Variants in SEPTIN9 observed in about 807,000 individuals in gnomAD.
SEPTIN9 encodes septin 9.
A neutral mutation model predicts 56.6 loss-of-function variants in SEPTIN9; 13 were observed. The observed-to-expected ratio is 0.23, with a 90% CI of 0.15 to 0.37. The LOEUF (loss-of-function observed/expected upper bound fraction) is 0.37. Ranked by LOEUF, SEPTIN9 falls within the 10% of genes least tolerant of loss-of-function variation. The pLI is 1.00. For synonymous variants in SEPTIN9, 332 were observed against 334.1 expected (o/e 0.99, Z 0.07); for missense variants, 650 against 823.1 (o/e 0.79, Z 2.57).
At chr17:77,416,131 A>C (rs928005474) in intron 3 of SEPTIN9, among the ~76,000 whole-genome samples, 2 of 152,124 alleles carry the variant, frequency 1.3e-5, no homozygotes, top group African/African-American at 4.8e-5. Context: ...ATTTGTTTAA[A>C]ATGTTGCTTC....
rs548252113 is a variant in SEPTIN9 at position 77,488,108 on chromosome 17, G to A, written c.1043-132G>A. 6.5e-6 allele frequency: 5 copies of A among 765,144 alleles called. No homozygotes were observed. In the East Asian group the frequency reaches 1.1e-4, roughly 17 times the overall value. 47.4% of individuals were successfully genotyped at this position (765,144 alleles called of 1,614,324 possible). A position where few individuals can be genotyped will look rare whatever the true frequency, so the allele number is the denominator to read the frequency against. On this transcript the variant is annotated intron_variant, in intron 5 of 11. Transcript: ENST00000427177. ...CCTGTGCCGGAGTTGGCTGAGGAAG[G>A]CCATTAATTTCCCGGTGTCTCCTTG... is the stretch of plus-strand genomic sequence containing the variant.
At chr17:77,287,558 C>T (rs1412757483) in intron 1 of SEPTIN9, among the ~76,000 whole-genome samples, 1 of 152,244 alleles carries the variant, frequency 6.6e-6, no homozygotes, top group Non-Finnish European at 1.5e-5. Flanking sequence ...GGCACCAGCT[C>T]TGCAGGGTGG....
At chr17:77,440,706 A>G (rs1315512342) in intron 3 of SEPTIN9, among the ~76,000 whole-genome samples, 3 of 152,248 alleles carry the variant, frequency 2.0e-5, no homozygotes, top group Non-Finnish European at 2.9e-5. Context: ...GCGCCCGCAC[A>G]GTGCCGTCTG....
chr17:77,332,529 G>C (rs1158069877), intron 2 of SEPTIN9, among the ~76,000 whole-genome samples: 1 of 152,110 alleles, frequency 6.6e-6, no homozygotes, highest in East Asian at 1.9e-4. Flanking sequence ...GATTATTTTT[G>C]TTTTTCTTTG....
rs12953092 is a variant in SEPTIN9, at chr17:77,487,747, A to G, written c.1042+195A>G. On this transcript the variant is annotated intron_variant, in intron 5 of 11. Transcript: ENST00000427177. The surrounding 1 kb of genome is among the most constrained non-coding windows in gnomAD (Gnocchi z 4.3). ...GTCAGTGGCCGGGAGTGGGCTGGGGATGCAGGACGCCCCTGCCTTCCTGGA... is the reference window on the plus strand; with the variant it reads ...GTCAGTGGCCGGGAGTGGGCTGGGGGTGCAGGACGCCCCTGCCTTCCTGGA... Among the ~76,000 whole-genome samples, 1,760 of 31,862 alleles carry G rather than the reference A, an allele frequency of 0.055. 25 individuals carry two copies. Among genetic ancestry groups the G allele is most frequent in the Middle Eastern group, 0.15 (7 of 46 alleles). 20.9% of individuals were successfully genotyped at this position (31,862 alleles called of 152,430 possible).
At chr17:77,430,915 C>T (rs752725879) in intron 3 of SEPTIN9, among the ~76,000 whole-genome samples, 10 of 151,520 alleles carry the variant, frequency 6.6e-5, no homozygotes, top group Admixed American at 5.3e-4. Context: ...CTCTTGAACC[C>T]GGGAGGCAGA....
Position 77,433,430 on chromosome 17 carries a change from G to A in SEPTIN9, c.721+30727G>A, listed in dbSNP as rs531047615. ...GCCAACAGGGTCTGCTTAGGTGTCC[G>A]TCCTGTTGGGGCAGCAGGGAAGGGA... is the stretch of plus-strand genomic sequence containing the variant. On this transcript the variant is annotated intron_variant, in intron 3 of 11. Transcript: ENST00000427177. This position sits in a 1 kb window ranked among gnomAD's most constrained non-coding sequence, Gnocchi z 6.4. Among the ~76,000 whole-genome samples, 2 of 152,184 alleles carry A rather than the reference G, an allele frequency of 1.3e-5. No individual in the cohort carries two copies. Among genetic ancestry groups the A allele is most frequent in the South Asian group, 2.1e-4 (1 of 4,824 alleles).
In SEPTIN9 at chr17:77,449,594, G is replaced by A. The variant is rs544548605; in HGVS notation, c.722-32550G>A. On this transcript the variant is annotated intron_variant, in intron 3 of 11. Transcript: ENST00000427177. The surrounding 1 kb of genome is among the most constrained non-coding windows in gnomAD (Gnocchi z 4.6). ...GGAGGGAGAGGCCCACGGGGCAGGG[G>A]CGTGGTGGGAGCTGCATCCTCGAGG... Among the ~76,000 whole-genome samples the A allele has an allele frequency of 1.3e-5, 2 of 152,244 alleles. No individual in the cohort carries two copies. The highest frequency in any genetic ancestry group is 2.4e-5 in the African/African-American group (1 of 41,468).
chr17:77,424,506 C>T (rs1307644960), intron 3 of SEPTIN9, among the ~76,000 whole-genome samples: 1 of 152,216 alleles, frequency 6.6e-6, no homozygotes, highest in South Asian at 2.1e-4. Flanking sequence ...CACAGTCCAG[C>T]CTGCTTGGGC....
intron 3 of SEPTIN9, among the ~76,000 whole-genome samples, chr17:77,473,558 A>G (rs1287587572): frequency 1.3e-5 from 2 of 152,194 alleles, no homozygotes; most frequent in Non-Finnish European, 2.9e-5. Context: ...AACCGTTCAA[A>G]ATACGTGTGT....
intron 2 of SEPTIN9, among the ~76,000 whole-genome samples, chr17:77,352,725 C>T (rs982791214): frequency 3.9e-5 from 6 of 152,114 alleles, no homozygotes; most frequent in East Asian, 3.9e-4. Flanking sequence ...AGTGCAGTGG[C>T]GTGATCATGG....
rs570951109 is a variant in SEPTIN9, at chr17:77,390,425, TA to T, written c.77-11620del. ...TCACCTCCCCTTCATGTTTCAGAGG[TA>T]AAAAAAAAAAAAACTGCACATTTCG... is the stretch of plus-strand genomic sequence containing the variant. On this transcript the variant is annotated intron_variant, in intron 2 of 11. Coordinates refer to ENST00000427177, the MANE Select transcript of SEPTIN9 (RefSeq NM_001113491.2). 1.4e-3 allele frequency among the ~76,000 whole-genome samples: 146 copies of T among 106,350 alleles called. 2 individuals are homozygous for T. The highest frequency in any genetic ancestry group is 4.1e-3 in the African/African-American group (114 of 27,528). 69.8% of individuals were successfully genotyped at this position (106,350 alleles called of 152,430 possible). A position where few individuals can be genotyped will look rare whatever the true frequency, so the allele number is the denominator to read the frequency against.
chr17:77,313,623 G>C lies in SEPTIN9; in HGVS notation c.76+6426G>C, dbSNP rs2143625056. On this transcript the variant is annotated intron_variant, in intron 2 of 11. Transcript: ENST00000427177. This position sits in a 1 kb window ranked among gnomAD's most constrained non-coding sequence, Gnocchi z 4.5. ...GCTCTGCTGGCAGGTACAGTAGCAG[G>C]GTCAGCAGGAGGGAGTCCAGGACGG... Among the ~76,000 whole-genome samples the C allele has an allele frequency of 6.6e-6, 1 of 152,270 alleles. No individual in the cohort carries two copies. The highest frequency in any genetic ancestry group is 6.5e-5 in the Admixed American group (1 of 15,298).
chr17:77,493,088 A>G lies in SEPTIN9; in HGVS notation c.1573+12A>G. The G allele has an allele frequency of 6.5e-7, 1 of 1,544,040 alleles. No individual in the cohort carries two copies. The highest frequency in any genetic ancestry group is 8.8e-7 in the Non-Finnish European group (1 of 1,140,368). On this transcript the variant is annotated intron_variant, in intron 10 of 11. Coordinates refer to ENST00000427177, the MANE Select transcript of SEPTIN9 (RefSeq NM_001113491.2). Reference sequence around the variant, plus strand: ...GGGTACCATCGAAGGTACTCGCCGCAGGCGCCGGGGCTCCAGACAGATGGG... The same window carrying G: ...GGGTACCATCGAAGGTACTCGCCGCGGGCGCCGGGGCTCCAGACAGATGGG...
At chr17:77,427,642 C>T (rs145235332) in intron 3 of SEPTIN9, among the ~76,000 whole-genome samples, 22 of 152,288 alleles carry the variant, frequency 1.4e-4, no homozygotes, top group African/African-American at 3.4e-4. Flanking sequence ...TGTCAGCCTT[C>T]GGGGAGGGAA....
chr17:77,401,991 C>T, intron 2 of SEPTIN9, 68 bp from the exon 3 acceptor site: 2 of 1,509,614 alleles, frequency 1.3e-6, no homozygotes, highest in African/African-American at 1.4e-5. Context: ...TGCTCCTTAG[C>T]AGGAAACATG....
chr17:77,351,416 T>G (rs1024362715), intron 2 of SEPTIN9, among the ~76,000 whole-genome samples: 11 of 152,280 alleles, frequency 7.2e-5, no homozygotes, highest in African/African-American at 2.6e-4. Context: ...GGGGACAGTT[T>G]ATGTTGAGAA....
chr17:77,402,219 C>T lies in SEPTIN9; in HGVS notation c.237C>T (p.Asp79=), dbSNP rs1456780971. 8 of 1,613,502 alleles carry T rather than the reference C, an allele frequency of 5.0e-6. No homozygotes were observed. Among genetic ancestry groups the T allele is most frequent in the Non-Finnish European group, 6.8e-6 (8 of 1,179,892 alleles). ...KNSEPSARHV[D]SLSQRSPKAS... is the part of the protein sequence containing the mutation. ...CAGAACCCTCGGCCCGCCATGTGGA[C>T]TCCCTAAGCCAACGCTCCCCCAAGG... Residue 79 remains aspartate, a synonymous_variant, in exon 3 of 12, where the codon GAC becomes GAT. Transcript: ENST00000427177. The surrounding 1 kb of genome is among the most constrained non-coding windows in gnomAD (Gnocchi z 6.6).
chr17:77,465,954 A>C (rs1033219452), intron 3 of SEPTIN9, among the ~76,000 whole-genome samples: 1 of 151,840 alleles, frequency 6.6e-6, no homozygotes, highest in Admixed American at 6.6e-5. Context: ...GGGAGACAAG[A>C]CCTTCCTGGG....
Sources: allele counts gnomAD v4.1 joint callset (sites outside exome capture counted in the v4.1 genomes callset), GRCh38; gene constraint gnomAD v4.1.1; non-coding constraint Gnocchi (gnomAD v3.1); transcripts MANE v1.5; gene names NCBI Gene and HGNC (gene_info 2026-07-23, HGNC 2026-07-21).